The following TAF1 variants were observed in gnomAD, a reference collection of about 807,000 sequenced individuals.
The protein encoded by TAF1 is transcription initiation factor TFIID subunit 1.
A neutral mutation model predicts 138.5 loss-of-function variants in TAF1; 2 were observed. That is an observed-to-expected ratio of 0.01 (90% confidence interval 0.01 to 0.05). The LOEUF is 0.05. Ranked by LOEUF, TAF1 falls within the 10% of genes least tolerant of loss-of-function variation. The pLI is 1.00. For synonymous variants in TAF1, 437 were observed against 503.2 expected (o/e 0.87, Z 1.76); for missense variants, 709 against 1,478.0 (o/e 0.48, Z 8.53).
At chrX:71,429,895 G>A (rs1236748733) in intron 32 of TAF1, among the ~76,000 whole-genome samples, 1 of 111,013 alleles carries the variant, frequency 9.0e-6, no homozygotes, top group African/African-American at 3.3e-5. Context: ...TGCTCTTGGT[G>A]GAAACATAAA....
intron 13 of TAF1, among the ~76,000 whole-genome samples, chrX:71,502,245 T>A (rs1363153004): frequency 9.0e-6 from 1 of 111,619 alleles, no homozygotes; most frequent in Non-Finnish European, 1.9e-5. Flanking sequence ...GGTGCATTTT[T>A]ACAGAGTGCT....
At chrX:71,518,692 C>CTTTTTTTTTTTT (rs41486346) in intron 13 of TAF1, among the ~76,000 whole-genome samples, 2 of 79,199 alleles carry the variant, frequency 2.5e-5, no homozygotes, top group Non-Finnish European at 4.9e-5. Context: ...TCTTTTCTTT[C>CTTTTTTTTTTTT]TTTTTTTTTT....
intron 13 of TAF1, among the ~76,000 whole-genome samples, chrX:71,520,694 A>C (rs1464783767): frequency 1.6e-3 from 66 of 41,569 alleles, no homozygotes; most frequent in African/African-American, 5.1e-3. Flanking sequence ...CAAAACAAAA[A>C]AAAAAAAAGA....
intron 13 of TAF1, among the ~76,000 whole-genome samples, chrX:71,510,481 A>G (rs190191501): frequency 4.8e-4 from 54 of 112,123 alleles, no homozygotes; most frequent in Non-Finnish European, 8.6e-4. Context: ...TCTTCCATAT[A>G]TAGAAAAGCT....
chrX:71,512,301 C>A (rs749981864), intron 13 of TAF1, among the ~76,000 whole-genome samples: 62 of 111,321 alleles, frequency 5.6e-4, no homozygotes, highest in African/African-American at 2.0e-3. Context: ...AGCGACAGTG[C>A]GAGACTCTGT....
intron 13 of TAF1, among the ~76,000 whole-genome samples, chrX:71,477,283 T>A (rs111740561): frequency 6.3e-4 from 70 of 110,966 alleles, no homozygotes; most frequent in Admixed American, 1.7e-3. Flanking sequence ...ATTTAAAAAA[T>A]TTTTTTAATT....
intron 24 of TAF1, among the ~76,000 whole-genome samples, chrX:71,399,454 C>T (rs1310851950): frequency 2.8e-5 from 3 of 106,229 alleles, no homozygotes; most frequent in African/African-American, 1.0e-4. Flanking sequence ...GACGAGGTTT[C>T]ACCATTTTGG....
chrX:71,503,803 C>T (rs1252213031), intron 13 of TAF1, among the ~76,000 whole-genome samples: 1 of 110,217 alleles, frequency 9.1e-6, no homozygotes, highest in African/African-American at 3.3e-5. Context: ...CTTCCCTCCT[C>T]CTCCTCCACT....
At chrX:71,382,048 G>C in intron 9 of TAF1, 129 bp downstream of exon 9, 1 of 769,298 alleles carries the variant, frequency 1.3e-6, no homozygotes, top group Non-Finnish European at 1.7e-6. Context: ...GCTTGAGAGA[G>C]CGAAGTTTTG....
intron 1 of TAF1, 92 bp downstream of exon 1, chrX:71,366,586 G>T: frequency 1.1e-6 from 1 of 928,745 alleles, no homozygotes; most frequent in African/African-American, 2.0e-5. Flanking sequence ...CTCAGGCAGC[G>T]AGAACAGGGC....
At chrX:71,431,948 AGAAT>A (rs1010065294) in intron 32 of TAF1, among the ~76,000 whole-genome samples, 1 of 109,832 alleles carries the variant, frequency 9.1e-6, no homozygotes, top group African/African-American at 3.3e-5. Flanking sequence ...AGGAGTGGCC[AGAAT>A]GAAAGAAGAA....
intron 32 of TAF1, among the ~76,000 whole-genome samples, chrX:71,440,920 TTCTC>T (rs1204809753): frequency 1.8e-5 from 2 of 110,033 alleles, no homozygotes; most frequent in African/African-American, 6.6e-5. Context: ...CCCTTCTTCT[TTCTC>T]CTTCTTTCTC....
intron 24 of TAF1, among the ~76,000 whole-genome samples, chrX:71,399,073 G>A (rs774582045): frequency 7.4e-5 from 8 of 108,782 alleles, no homozygotes; most frequent in Admixed American, 3.0e-4. Flanking sequence ...CCAAGTAGCT[G>A]GGACTACAGG....
intron 7 of TAF1, 96 bp from the exon 8 acceptor site, chrX:71,378,728 T>C (rs2033657653): frequency 1.1e-6 from 1 of 952,017 alleles, no homozygotes; most frequent in African/African-American, 1.9e-5. Flanking sequence ...AAGGACCACT[T>C]ACAATGTGTC....
At chrX:71,481,227 C>T (rs1372791235) in intron 13 of TAF1, among the ~76,000 whole-genome samples, 2 of 111,613 alleles carry the variant, frequency 1.8e-5, no homozygotes, top group Middle Eastern at 4.7e-3. Flanking sequence ...TGCAGTGAGC[C>T]GAGATCGTGC....
chrX:71,388,085 G>A, intron 15 of TAF1, 152 bp from the exon 16 acceptor site: 2 of 826,169 alleles, frequency 2.4e-6, no homozygotes, highest in Non-Finnish European at 3.4e-6. Flanking sequence ...GGGTGACAGA[G>A]CGAGACTCCG....
rs148163340 is a variant in TAF1, at chrX:71,399,130, G to A, written c.3786+393G>A. On this transcript the variant is annotated intron_variant, in intron 24 of 37. Coordinates refer to ENST00000423759, the MANE Select transcript of TAF1 (RefSeq NM_004606.5). Reference sequence around the variant, plus strand: ...AATTTTTGTATTTTTTGTAGAGACCGGGTTTTGCCATGTTGCCCAGGCTAG... The same window carrying A: ...AATTTTTGTATTTTTTGTAGAGACCAGGTTTTGCCATGTTGCCCAGGCTAG... Among the ~76,000 whole-genome samples the A allele has an allele frequency of 7.9e-3, 879 of 110,880 alleles. 14 individuals carry two copies. The highest frequency in any genetic ancestry group is 0.027 in the African/African-American group (821 of 30,573).
At position 71,447,127 on chromosome X, in the gene TAF1, C is replaced by CT. The variant is rs771884990; in HGVS notation, c.4754-7034dup. 9.0e-3 allele frequency among the ~76,000 whole-genome samples: 986 copies of CT among 109,744 alleles called. 8 individuals are homozygous for CT. Among genetic ancestry groups the CT allele is most frequent in the Non-Finnish European group, 0.014 (751 of 52,470 alleles). On this transcript the variant is annotated intron_variant, in intron 32 of 37. Coordinates refer to ENST00000423759, the MANE Select transcript of TAF1 (RefSeq NM_004606.5). Reference sequence around the variant, plus strand: ...TTTTCTTTTTATATCTGGCACTGATCTTTTTTTTTAAACTTTCTACTTCTA... The same window carrying CT: ...TTTTCTTTTTATATCTGGCACTGATCTTTTTTTTTTAAACTTTCTACTTCTA...
intron 28 of TAF1, among the ~76,000 whole-genome samples, chrX:71,418,518 AAAT>A (rs1291139452): frequency 1.8e-5 from 2 of 112,902 alleles, no homozygotes; most frequent in East Asian, 2.8e-4. Flanking sequence ...ATGCTGAATT[AAAT>A]AATAAGTGAG....
Sources: allele counts gnomAD v4.1 joint callset (sites outside exome capture counted in the v4.1 genomes callset), GRCh38; gene constraint gnomAD v4.1.1; transcripts MANE v1.5; gene names NCBI Gene and HGNC (gene_info 2026-07-23, HGNC 2026-07-21).